The following ABCC6 variants were observed in gnomAD, a reference collection of about 807,000 sequenced individuals.
ABCC6 encodes the protein ATP-binding cassette sub-family C member 6.
In ABCC6, 126 loss-of-function variants were observed where a neutral mutation model predicts 169.5. The observed-to-expected ratio is 0.74, with a 90% confidence interval of 0.64 to 0.86. The LOEUF (loss-of-function observed/expected upper bound fraction) is 0.86. Ranked by LOEUF, ABCC6 falls within the 40% of genes least tolerant of loss-of-function variation. The probability of loss-of-function intolerance (pLI) is 0.00; values close to 1 mark genes in which losing one functional copy is unlikely to be tolerated. For synonymous variants in ABCC6, 752 were observed against 814.7 expected, an observed-to-expected ratio of 0.92 and a Z score of 1.31; for missense variants, 1,733 against 1,927.2, an observed-to-expected ratio of 0.90 and a Z score of 1.89.
intron 20 of ABCC6, among the ~76,000 whole-genome samples, chr16:16,173,696 CTTT>C (rs763177730): frequency 5.7e-5 from 8 of 139,214 alleles, no homozygotes; most frequent in Admixed American, 1.5e-4. Context: ...TCAGAATTTT[CTTT>C]TTTTTTTTTT....
Position 16,216,465 on chromosome 16 carries a change from T to C in ABCC6, c.475-2016A>G, listed in dbSNP as rs537673881. On this transcript the variant is annotated intron_variant, in intron 4 of 30. Coordinates refer to ENST00000205557, the MANE Select transcript of ABCC6 (RefSeq NM_001171.6). ...TATGTAAAGTTTGTCTTTCTGTGCC[T>C]GGCTTATTTCACTTAACATCCATGT... Among the ~76,000 whole-genome samples, 42 of 150,650 alleles carry C rather than the reference T, an allele frequency of 2.8e-4. No homozygotes were observed. In the South Asian group the frequency reaches 8.5e-3, roughly 30 times the overall value.
At chr16:16,220,051 G>T (rs2049023327) in intron 2 of ABCC6, 104 bp from the exon 3 acceptor site, 5 of 1,483,624 alleles carry the variant, frequency 3.4e-6, no homozygotes, top group Middle Eastern at 2.4e-4. Context: ...CAACATCCTG[G>T]CTGATACTGA....
chr16:16,185,522 G>A (rs577251083), intron 14 of ABCC6, among the ~76,000 whole-genome samples: 3 of 152,178 alleles, frequency 2.0e-5, no homozygotes, highest in Non-Finnish European at 4.4e-5. Flanking sequence ...AGTGTCTCAT[G>A]CCTGTAATCC....
chr16:16,209,985 C>T (rs1431173973), intron 6 of ABCC6, among the ~76,000 whole-genome samples: 1 of 151,994 alleles, frequency 6.6e-6, no homozygotes, highest in Non-Finnish European at 1.5e-5. Context: ...TCAGGGTTGG[C>T]CTTCCAAAGT....
chr16:16,152,989 C>T (rs1042349728), intron 29 of ABCC6, among the ~76,000 whole-genome samples: 21 of 152,184 alleles, frequency 1.4e-4, no homozygotes, highest in South Asian at 8.3e-4. Context: ...CTCTGCCTCC[C>T]GGGTTCAAGC....
intron 26 of ABCC6, 70 bp from the exon 27 acceptor site, chr16:16,157,879 A>G (rs1221319030): frequency 5.9e-6 from 9 of 1,525,504 alleles, no homozygotes; most frequent in Non-Finnish European, 7.1e-6. Flanking sequence ...GCCCACCTCT[A>G]TCAGCTTCAG....
Position 16,150,563 on chromosome 16 carries a change from G to A in ABCC6, c.4403+15C>T. 1 of 1,604,836 alleles carries A rather than the reference G, an allele frequency of 6.2e-7. No homozygotes were observed. Among genetic ancestry groups the A allele is most frequent in the Non-Finnish European group, 8.5e-7 (1 of 1,173,970 alleles). ...GCAGGGCTGCTGTGAGGTCAGGCCG[G>A]GGCGGGAGCCTTACCGGGCACAGTC... On this transcript the variant is annotated intron_variant, in intron 30 of 30. Transcript: ENST00000205557.
At chr16:16,209,488 A>C (rs2048520238) in intron 6 of ABCC6, among the ~76,000 whole-genome samples, 3 of 152,162 alleles carry the variant, frequency 2.0e-5, no homozygotes, top group Admixed American at 2.0e-4. Flanking sequence ...CAGTGGCTAA[A>C]CCAAGGGATA....
intron 13 of ABCC6, among the ~76,000 whole-genome samples, chr16:16,188,037 GC>G (rs745719223): frequency 3.5e-4 from 53 of 151,842 alleles, no homozygotes; most frequent in Non-Finnish European, 6.5e-4. Context: ...TTCAAGACCA[GC>G]CTGGCCTGGC....
chr16:16,196,585 C>A (rs774935210), intron 10 of ABCC6, among the ~76,000 whole-genome samples: 19 of 152,152 alleles, frequency 1.2e-4, no homozygotes, highest in Non-Finnish European at 2.2e-4. Flanking sequence ...ACGTTGGAGA[C>A]AAGAACAGGA....
intron 11 of ABCC6, among the ~76,000 whole-genome samples, chr16:16,190,722 T>TG (rs1429146395): frequency 2.7e-5 from 4 of 150,398 alleles, no homozygotes; most frequent in African/African-American, 4.9e-5. Context: ...TTTGTGGAGT[T>TG]GGGGTCTCAC....
At chr16:16,150,359 G>A (rs574457938) in intron 30 of ABCC6, 118 bp from the exon 31 acceptor site, 155 of 1,548,322 alleles carry the variant, frequency 1.0e-4, no homozygotes, top group Non-Finnish European at 1.3e-4. Context: ...CTTTCCATGC[G>A]GCTCCCTGGC....
At chr16:16,187,071 G>T in intron 14 of ABCC6, 53 bp downstream of exon 14, 3 of 1,481,394 alleles carry the variant, frequency 2.0e-6, no homozygotes, top group Non-Finnish European at 2.8e-6. Flanking sequence ...GGCTGGGGTG[G>T]CCCCCACATC....
intron 30 of ABCC6, 95 bp downstream of exon 30, chr16:16,150,483 C>G (rs1323089786): frequency 1.3e-6 from 2 of 1,520,228 alleles, no homozygotes; most frequent in East Asian, 2.4e-5. Flanking sequence ...ACCCCTCCAG[C>G]TCTAACCCGA....
rs1265467083 is a variant in ABCC6, at chr16:16,190,359, T to C, written c.1440A>G (p.Gln480=). ...SKKRNHHQEE[Q]MRQKDSRARL... is the part of the protein sequence containing the mutation. ...GTGCCCGTGAGTCCTTCTGCCTCAT[T>C]TGCTCCTCCTGGGATCGGAGGGAAA... Residue 480 remains glutamine (Q), a synonymous_variant, in exon 12 of 31, where the codon CAA becomes CAG. Transcript: ENST00000205557. The C allele has an allele frequency of 1.2e-6, 2 of 1,613,884 alleles. No individual in the cohort carries two copies. The highest frequency in any genetic ancestry group is 1.3e-5 in the African/African-American group (1 of 74,876).
intron 24 of ABCC6, 67 bp from the exon 25 acceptor site, chr16:16,161,631 C>A (rs1268362176): frequency 1.2e-6 from 2 of 1,605,200 alleles, no homozygotes; most frequent in African/African-American, 2.7e-5. Context: ...TCTCTGGGCA[C>A]AAGGACTGGT....
chr16:16,194,972 A>G (rs937893287), intron 10 of ABCC6, among the ~76,000 whole-genome samples: 2 of 151,792 alleles, frequency 1.3e-5, no homozygotes, highest in Non-Finnish European at 2.9e-5. Context: ...GAGCCACCCC[A>G]CCTGGCCTGG....
At chr16:16,208,466 G>A (rs1330174623) in intron 7 of ABCC6, among the ~76,000 whole-genome samples, 1 of 151,800 alleles carries the variant, frequency 6.6e-6, no homozygotes, top group East Asian at 1.9e-4. Context: ...TCTGCCTCCT[G>A]GGTTCAAACG....
intron 24 of ABCC6, 140 bp from the exon 25 acceptor site, chr16:16,161,704 A>G: frequency 8.8e-7 from 1 of 1,137,224 alleles, no homozygotes; most frequent in Non-Finnish European, 1.3e-6. Context: ...ACCCAGGCTC[A>G]GGGAGTAGAG....
Sources: gnomAD v4.1 joint callset for allele counts (sites outside exome capture counted in the v4.1 genomes callset) on GRCh38, gnomAD v4.1.1 for gene constraint, MANE v1.5 for transcripts, NCBI Gene and HGNC (gene_info 2026-07-23, HGNC 2026-07-21) for gene names.